The following AOPEP variants were observed in gnomAD, a reference collection of about 807,000 sequenced individuals.
The protein encoded by AOPEP is aminopeptidase O (putative), also known as aminopeptidase O.
A neutral mutation model predicts 98.1 loss-of-function variants in AOPEP; 77 were observed. That is an observed-to-expected ratio of 0.78 (90% CI 0.65 to 0.95). The LOEUF (loss-of-function observed/expected upper bound fraction) is 0.95, where lower values mean the gene tolerates loss of function less well. AOPEP is among the 40% of genes least tolerant of loss of function. The pLI, the probability that AOPEP is intolerant of heterozygous loss-of-function variation, is 0.00. For missense variants in AOPEP, 1,024 were observed against 1,024.7 expected (o/e 1.00, Z 0.01); for synonymous variants, 346 against 365.3 (o/e 0.95, Z 0.60).
At chr9:95,031,061 G>A (rs2064256726) in intron 13 of AOPEP, among the ~76,000 whole-genome samples, 1 of 152,176 alleles carries the variant, frequency 6.6e-6, no homozygotes, top group African/African-American at 2.4e-5. Context: ...ACCCTTCTCT[G>A]CTAGGCTTGA....
intron 5 of AOPEP, among the ~76,000 whole-genome samples, chr9:94,896,192 C>T (rs1303938852): frequency 6.6e-6 from 1 of 152,128 alleles, no homozygotes; most frequent in Non-Finnish European, 1.5e-5. Context: ...ACAAAATAAA[C>T]TTCTTAAAAA....
At chr9:94,777,512 A>G (rs1312619189) in intron 3 of AOPEP, among the ~76,000 whole-genome samples, 2 of 151,870 alleles carry the variant, frequency 1.3e-5, no homozygotes, top group East Asian at 1.9e-4. Context: ...AAATGTCACT[A>G]TGGAAAATCA....
chr9:94,933,250 G>A, intron 7 of AOPEP: 2 of 985,612 alleles, frequency 2.0e-6, no homozygotes, highest in Non-Finnish European at 2.4e-6. Context: ...CATGCCTCCT[G>A]TCTCCAGGGT....
At chr9:94,898,194 T>C (rs1292185789) in intron 5 of AOPEP, among the ~76,000 whole-genome samples, 1 of 152,078 alleles carries the variant, frequency 6.6e-6, no homozygotes, top group Non-Finnish European at 1.5e-5. Context: ...TTCACCAAAG[T>C]GTAGGTGGCT....
intron 14 of AOPEP, among the ~76,000 whole-genome samples, chr9:95,075,082 T>A (rs780758343): frequency 2.6e-5 from 4 of 152,124 alleles, no homozygotes; most frequent in Non-Finnish European, 5.9e-5. Context: ...TCTCCTTCCC[T>A]CCCACACCAA....
intron 1 of AOPEP, among the ~76,000 whole-genome samples, chr9:94,750,867 C>G (rs969159695): frequency 3.3e-5 from 5 of 150,836 alleles, no homozygotes; most frequent in African/African-American, 9.7e-5. Context: ...CCTGCCTCAG[C>G]CTCCTGAGTA....
At chr9:94,731,266 C>A (rs961899802) in intron 1 of AOPEP, among the ~76,000 whole-genome samples, 4 of 150,740 alleles carry the variant, frequency 2.7e-5, no homozygotes, top group Non-Finnish European at 5.9e-5. Context: ...CTCGCTCTGT[C>A]GCCCAGGCTG....
chr9:94,883,985 C>G (rs2047893054), intron 5 of AOPEP, among the ~76,000 whole-genome samples: 1 of 152,180 alleles, frequency 6.6e-6, no homozygotes, highest in African/African-American at 2.4e-5. Context: ...TCCATCAGGA[C>G]TAGACCCCAA....
At chr9:94,988,970 G>A (rs982332349) in intron 11 of AOPEP, among the ~76,000 whole-genome samples, 7 of 148,910 alleles carry the variant, frequency 4.7e-5, no homozygotes, top group East Asian at 2.0e-4. Flanking sequence ...GTGCAGTGGC[G>A]CAATCTTGAC....
the AOPEP span, chr9:95,107,348 G>A: frequency 1.5e-5 from 22 of 1,481,416 alleles, no homozygotes; most frequent in East Asian, 5.1e-4. Context: ...TATTTGCTTT[G>A]AAACAACCCC....
At chr9:94,997,843 G>A (rs768111110) in intron 11 of AOPEP, among the ~76,000 whole-genome samples, 11 of 152,054 alleles carry the variant, frequency 7.2e-5, no homozygotes, top group Non-Finnish European at 1.0e-4. Context: ...AGAGGCATAC[G>A]CCACCGTGCC....
intron 13 of AOPEP, among the ~76,000 whole-genome samples, chr9:95,016,245 ATTTTT>A (rs532120566): frequency 8.1e-6 from 1 of 123,656 alleles, no homozygotes; most frequent in African/African-American, 3.1e-5. Context: ...TTCTCTTGTG[ATTTTT>A]TTTTTTTTTT....
the AOPEP span, among the ~76,000 whole-genome samples, chr9:95,120,679 T>C: frequency 6.6e-6 from 1 of 152,128 alleles, no homozygotes; most frequent in Non-Finnish European, 1.5e-5. Flanking sequence ...CCTCCCACCT[T>C]GGCCTCCTAA....
chr9:94,763,362 C>T (rs1838816742), intron 2 of AOPEP: 1 of 245,720 alleles, frequency 4.1e-6, no homozygotes, highest in Non-Finnish European at 8.4e-6. Flanking sequence ...GTGGCTTCCC[C>T]ATTTCCCACC....
chr9:95,135,451 G>A, the AOPEP span: 1 of 1,614,040 alleles, frequency 6.2e-7, no homozygotes, highest in African/African-American at 1.3e-5. Flanking sequence ...GGCTGGGAAG[G>A]TGCCGAAGCC....
At chr9:94,925,178 C>T (rs751826714) in intron 6 of AOPEP, among the ~76,000 whole-genome samples, 1 of 152,110 alleles carries the variant, frequency 6.6e-6, no homozygotes, top group Non-Finnish European at 1.5e-5. Context: ...TTTTAGTAGA[C>T]GGGGGTTTCG....
At position 94,956,045 on chromosome 9, in the gene AOPEP, T is replaced by C. The variant is rs138986778; in HGVS notation, c.1872+30T>C. On this transcript the variant is annotated intron_variant, in intron 9 of 16. Transcript: ENST00000375315. ...CTTATGGGTCCTCATGAGTCCATGA[T>C]GTATGACTGGAGGGGGTATGGCACA... The C allele has an allele frequency of 4.0e-4, 512 of 1,284,922 alleles. 1 individual carries two copies. The African/African-American group carries it at 6.0e-3, about 15-fold the overall frequency. 79.6% of individuals were successfully genotyped at this position (1,284,922 alleles called of 1,614,324 possible). A position where few individuals can be genotyped will look rare whatever the true frequency, so the allele number is the denominator to read the frequency against.
intron 4 of AOPEP, 86 bp from the exon 5 acceptor site, chr9:94,800,670 TA>T: frequency 6.9e-7 from 1 of 1,452,366 alleles, no homozygotes. Context: ...CTCTGTCTCC[TA>T]AAAGTTGTCT....
intron 1 of AOPEP, among the ~76,000 whole-genome samples, chr9:94,749,080 G>T (rs1835126026): frequency 6.6e-6 from 1 of 152,202 alleles, no homozygotes; most frequent in Non-Finnish European, 1.5e-5. Context: ...ACATAAGGAA[G>T]ATGTAGTCTC....
Sources: allele counts gnomAD v4.1 joint callset (sites outside exome capture counted in the v4.1 genomes callset), GRCh38; gene constraint gnomAD v4.1.1; transcripts MANE v1.5; gene names NCBI Gene and HGNC (gene_info 2026-07-23, HGNC 2026-07-21).